The following ZDHHC14 variants were observed in gnomAD, a reference collection of about 807,000 sequenced individuals.
ZDHHC14 encodes the protein zDHHC palmitoyltransferase 14.
ZDHHC14 carries 16 observed loss-of-function variants against 47.7 expected under a neutral mutation model. The ratio of observed to expected loss-of-function variants is 0.34; its 90% CI spans 0.23 to 0.51. The LOEUF is 0.51. ZDHHC14 is among the 20% of genes least tolerant of loss of function. The pLI is 0.97. For synonymous variants in ZDHHC14, 293 were observed against 278.9 expected, an observed-to-expected ratio of 1.05 and a Z score of -0.50; for missense variants, 515 against 662.5, an observed-to-expected ratio of 0.78 and a Z score of 2.44.
intron 1 of ZDHHC14, among the ~76,000 whole-genome samples, chr6:157,416,842 T>A (rs932206768): frequency 6.8e-6 from 1 of 147,056 alleles, no homozygotes; most frequent in Non-Finnish European, 1.5e-5. Flanking sequence ...AGTCTCGAAC[T>A]GTCGCTCAGG....
At position 157,382,032 on chromosome 6, in the gene ZDHHC14, G is replaced by C. The variant is rs1330401901; in HGVS notation, c.11G>C (p.Gly4Ala). The change falls in exon 1 of 9, where the codon GGC becomes GCC. Residue 4 changes from glycine (G) to alanine (A), a missense_variant. Transcript: ENST00000359775. ...CGGCTGCCCTCGTGGATGCCTCCCG[G>C]CGGCGGCGGGCCCATGAAAGACTGC... MPP[G>A]GGGPMKDCEY... 1 of 1,509,446 alleles carries C rather than the reference G, an allele frequency of 6.6e-7. No individual in the cohort carries two copies. The highest frequency in any genetic ancestry group is 8.9e-7 in the Non-Finnish European group (1 of 1,129,156). The allele number at this position is 1,509,446 out of a possible 1,614,324, so 93.5% of individuals were successfully genotyped here.
At chr6:157,485,862 T>C (rs781745055) in intron 1 of ZDHHC14, among the ~76,000 whole-genome samples, 15 of 151,872 alleles carry the variant, frequency 9.9e-5, no homozygotes, top group Non-Finnish European at 2.1e-4. Flanking sequence ...AATACAAAAA[T>C]ATTAGCTGGG....
chr6:157,511,129 G>T (rs939989688), intron 1 of ZDHHC14, among the ~76,000 whole-genome samples: 1 of 152,148 alleles, frequency 6.6e-6, no homozygotes, highest in African/African-American at 2.4e-5. Context: ...CTCTTTTTGT[G>T]TGGGTTCCAG....
chr6:157,607,961 A>G (rs772198474), intron 3 of ZDHHC14, among the ~76,000 whole-genome samples: 2 of 152,244 alleles, frequency 1.3e-5, no homozygotes, highest in African/African-American at 4.8e-5. Context: ...GGCTCTCACA[A>G]GTTAAATTCC....
intron 1 of ZDHHC14, among the ~76,000 whole-genome samples, chr6:157,469,176 A>C (rs370126741): frequency 1.3e-5 from 2 of 152,250 alleles, no homozygotes. Flanking sequence ...GGCTGTCCTC[A>C]CTCTGGCAAG....
chr6:157,530,722 TA>T (rs892674038), intron 1 of ZDHHC14, among the ~76,000 whole-genome samples: 1 of 152,220 alleles, frequency 6.6e-6, no homozygotes, highest in African/African-American at 2.4e-5. Flanking sequence ...TATTATGTAC[TA>T]TTTTTCAAAT....
At chr6:157,653,436 G>A (rs2114992284) in intron 7 of ZDHHC14, 89 bp from the exon 8 acceptor site, 1 of 1,394,286 alleles carries the variant, frequency 7.2e-7, no homozygotes, top group Non-Finnish European at 1.0e-6. Context: ...ACGGGAAGAG[G>A]GAGCCCCGAC....
At chr6:157,591,754 T>C (rs1345228267) in intron 2 of ZDHHC14, among the ~76,000 whole-genome samples, 1 of 152,180 alleles carries the variant, frequency 6.6e-6, no homozygotes, top group African/African-American at 2.4e-5. Flanking sequence ...GAGTGGGTGA[T>C]GGGACTGATT....
intron 1 of ZDHHC14, among the ~76,000 whole-genome samples, chr6:157,409,315 C>G (rs1257582331): frequency 1.3e-5 from 2 of 152,184 alleles, no homozygotes; most frequent in Admixed American, 1.3e-4. Context: ...CAGGTGGGCC[C>G]TCTGTTTCAT....
intron 2 of ZDHHC14, among the ~76,000 whole-genome samples, chr6:157,546,763 G>A (rs1244728019): frequency 1.3e-5 from 2 of 152,148 alleles, no homozygotes; most frequent in Admixed American, 1.3e-4. Context: ...AGAAATCACA[G>A]GATCAAAGTG....
chr6:157,625,627 G>T (rs1484940016), intron 3 of ZDHHC14, among the ~76,000 whole-genome samples: 1 of 152,082 alleles, frequency 6.6e-6, no homozygotes, highest in Non-Finnish European at 1.5e-5. Flanking sequence ...GTGGGGTGGG[G>T]ATTAGGCCAG....
intron 2 of ZDHHC14, among the ~76,000 whole-genome samples, chr6:157,585,455 A>G (rs1038596581): frequency 2.7e-5 from 4 of 150,902 alleles, no homozygotes; most frequent in African/African-American, 9.7e-5. Flanking sequence ...AATTGAGTAG[A>G]GCAGGAACCC....
intron 2 of ZDHHC14, among the ~76,000 whole-genome samples, chr6:157,563,663 G>A (rs143854958): frequency 7.2e-5 from 11 of 152,302 alleles, no homozygotes; most frequent in African/African-American, 1.9e-4. Flanking sequence ...GCAGGGGCAT[G>A]CGGTGGGCAC....
intron 3 of ZDHHC14, among the ~76,000 whole-genome samples, chr6:157,622,958 T>C (rs1785252459): frequency 6.6e-6 from 1 of 152,132 alleles, no homozygotes; most frequent in Non-Finnish European, 1.5e-5. Flanking sequence ...ATTCCTCCCC[T>C]CTGGGAGCCA....
At position 157,594,741 on chromosome 6, in the gene ZDHHC14, C is replaced by T. The variant is rs150546315; in HGVS notation, c.565+1595C>T. ...TTCTACAAGGTTTCTACAAGGGACT[C>T]TACAAATCAGCCTTTGTTTGATTAC... On this transcript the variant is annotated intron_variant, in intron 3 of 8. Transcript: ENST00000359775. Among the ~76,000 whole-genome samples, 7 of 152,310 alleles carry T rather than the reference C, an allele frequency of 4.6e-5. No individual in the cohort carries two copies. The East Asian group carries it at 1.2e-3, about 25-fold the overall frequency.
At chr6:157,506,386 G>A (rs1051668679) in intron 1 of ZDHHC14, among the ~76,000 whole-genome samples, 2 of 152,208 alleles carry the variant, frequency 1.3e-5, no homozygotes, top group African/African-American at 4.8e-5. Flanking sequence ...CTGACTCTGG[G>A]AATCCATTTG....
chr6:157,628,513 C>T (rs745731309), intron 4 of ZDHHC14, 27 bp downstream of exon 4: 6 of 1,592,216 alleles, frequency 3.8e-6, no homozygotes, highest in African/African-American at 2.7e-5. Context: ...AATCAGATTA[C>T]GTATGTAACC....
chr6:157,611,307 G>A (rs1033112459), intron 3 of ZDHHC14, among the ~76,000 whole-genome samples: 1 of 152,008 alleles, frequency 6.6e-6, no homozygotes, highest in African/African-American at 2.4e-5. Context: ...GCCAATATGT[G>A]TACTTTTAAA....
At chr6:157,526,867 GTTAA>G (rs1439298686) in intron 1 of ZDHHC14, among the ~76,000 whole-genome samples, 1 of 152,214 alleles carries the variant, frequency 6.6e-6, no homozygotes, top group African/African-American at 2.4e-5. Flanking sequence ...CTGGGTAGAT[GTTAA>G]TTTTTATTTG....
Sources: allele counts gnomAD v4.1 joint callset (sites outside exome capture counted in the v4.1 genomes callset), GRCh38; gene constraint gnomAD v4.1.1; transcripts MANE v1.5; gene names NCBI Gene and HGNC (gene_info 2026-07-23, HGNC 2026-07-21).